C2orf92: variants seen among roughly 807,000 people sequenced by gnomAD.
C2orf92 encodes chromosome 2 open reading frame 92.
chr2:97,698,845 T>A (rs973361232), intron 5 of C2orf92, among the ~76,000 whole-genome samples, 181 bp from the exon 6 acceptor site: 7 of 152,342 alleles, frequency 4.6e-5, no homozygotes, highest in South Asian at 2.1e-4. Flanking sequence ...TTAGATTTTT[T>A]AAAAAGTAAA....
intron 3 of C2orf92, among the ~76,000 whole-genome samples, chr2:97,676,382 C>T (rs1010503015): frequency 3.6e-5 from 5 of 140,076 alleles, no homozygotes; most frequent in Non-Finnish European, 6.1e-5. Context: ...TGCAGTGAGC[C>T]GAGATCATGC....
chr2:97,665,074 G>T (rs545400303), upstream of C2orf92, among the ~76,000 whole-genome samples: 3 of 152,244 alleles, frequency 2.0e-5, no homozygotes, highest in Non-Finnish European at 4.4e-5. Context: ...TTCAGTCAGG[G>T]TCTTCACACT....
chr2:97,664,533 C>T (rs1295551717), intron 1 of C2orf92: 1 of 149,524 alleles, frequency 6.7e-6, no homozygotes, highest in Non-Finnish European at 1.5e-5. Context: ...TCCTCCCGCG[C>T]CAGCCAGTAG....
upstream of C2orf92, among the ~76,000 whole-genome samples, chr2:97,666,569 A>G (rs1156801371): frequency 1.4e-5 from 2 of 146,896 alleles, no homozygotes; most frequent in African/African-American, 5.0e-5. Flanking sequence ...TGAGATGGGC[A>G]CGGTAGCTCA....
intron 1 of C2orf92, chr2:97,672,558 A>G (rs1675449744): frequency 6.6e-6 from 1 of 151,700 alleles, no homozygotes; most frequent in Non-Finnish European, 1.5e-5. Flanking sequence ...ATTCGGCCCC[A>G]TATGTGTAGG....
chr2:97,698,976 T>C (rs1290012417), intron 5 of C2orf92, 50 bp from the exon 6 acceptor site: 1 of 397,920 alleles, frequency 2.5e-6, no homozygotes, highest in African/African-American at 2.1e-5. Flanking sequence ...AACGCTGAAC[T>C]AATCACATGC....
chr2:97,665,715 CT>C (rs1675193022), upstream of C2orf92: 1 of 46,230 alleles, frequency 2.2e-5, no homozygotes, highest in Non-Finnish European at 4.7e-5. Context: ...CTCTCTCTCT[CT>C]CTCTCTCTCT....
rs547073614 is a variant in C2orf92, at chr2:97,701,767, C to T, written c.665+463C>T. Among the ~76,000 whole-genome samples the T allele has an allele frequency of 1.3e-4, 20 of 152,334 alleles. No individual in the cohort carries two copies. In the South Asian group the frequency reaches 2.9e-3, roughly 22 times the overall value. On this transcript the variant is annotated intron_variant, in intron 7 of 7. Transcript: ENST00000627399. ...TTGTTAGAATACTGAAAGCCTTCCC[C>T]GAGCTTCCCACTGACCTCCTGATCT...
chr2:97,697,148 GCTC>G (rs1265399092), intron 5 of C2orf92: 3 of 152,302 alleles, frequency 2.0e-5, no homozygotes, highest in Admixed American at 1.3e-4. Flanking sequence ...ATGGGTGGCT[GCTC>G]CTGTCATAGT....
At chr2:97,696,197 G>A (rs530299715) in intron 5 of C2orf92, among the ~76,000 whole-genome samples, 15 of 152,168 alleles carry the variant, frequency 9.9e-5, no homozygotes, top group Non-Finnish European at 2.1e-4. Context: ...CGTTGTAATC[G>A]CACGGAGTTC....
intron 3 of C2orf92, among the ~76,000 whole-genome samples, chr2:97,684,100 A>T (rs1427427689): frequency 7.2e-6 from 1 of 138,036 alleles, no homozygotes; most frequent in Non-Finnish European, 1.5e-5. Context: ...CAGTGGTGTG[A>T]TCTCAGCTCA....
chr2:97,699,001 G>T, intron 5 of C2orf92, 25 bp from the exon 6 acceptor site: 1 of 398,356 alleles, frequency 2.5e-6, no homozygotes, highest in South Asian at 1.3e-4. Context: ...GTTGTTTGTA[G>T]ATGAACACAT....
intron 3 of C2orf92, among the ~76,000 whole-genome samples, chr2:97,676,558 G>A (rs1263504613): frequency 1.3e-5 from 2 of 151,096 alleles, no homozygotes; most frequent in Non-Finnish European, 2.9e-5. Context: ...CAGAAGTTCA[G>A]GACCAGCCTC....
intron 5 of C2orf92, among the ~76,000 whole-genome samples, chr2:97,691,852 C>T (rs1485237164): frequency 6.6e-6 from 1 of 152,188 alleles, no homozygotes; most frequent in African/African-American, 2.4e-5. Flanking sequence ...CGCGCCACTG[C>T]ACTCCAGCCT....
At chr2:97,676,008 C>T (rs1030230342) in intron 3 of C2orf92, 80 bp downstream of exon 3, 2 of 398,668 alleles carry the variant, frequency 5.0e-6, no homozygotes, top group Non-Finnish European at 8.8e-6. Context: ...CTCAAGTAGC[C>T]TGTTCCTGCT....
At chr2:97,702,602 C>T (rs1676529222) in intron 7 of C2orf92, 67 bp from the exon 8 acceptor site, 1 of 398,502 alleles carries the variant, frequency 2.5e-6, no homozygotes, top group East Asian at 3.6e-5. Context: ...CACCACTGCC[C>T]AGCGAGTAGA....
At chr2:97,683,136 G>A (rs1236380048) in intron 3 of C2orf92, among the ~76,000 whole-genome samples, 6 of 145,572 alleles carry the variant, frequency 4.1e-5, no homozygotes, top group African/African-American at 1.5e-4. Context: ...ACCAGTAAAT[G>A]CATTTAGCAA....
chr2:97,680,951 C>T (rs1353499238), intron 3 of C2orf92, among the ~76,000 whole-genome samples: 1 of 139,634 alleles, frequency 7.2e-6, no homozygotes, highest in Non-Finnish European at 1.6e-5. Context: ...CCAAAAAACC[C>T]CAAAAATTAG....
chr2:97,671,550 G>A (rs994530647), intron 1 of C2orf92: 8 of 398,492 alleles, frequency 2.0e-5, no homozygotes, highest in Non-Finnish European at 3.1e-5. Flanking sequence ...GAAGAGTTGC[G>A]TGCATGGTCC....
Sources: allele counts gnomAD v4.1 joint callset (sites outside exome capture counted in the v4.1 genomes callset), GRCh38; gene constraint gnomAD v4.1.1; transcripts MANE v1.5; gene names NCBI Gene and HGNC (gene_info 2026-07-23, HGNC 2026-07-21).